The following EEPD1 variants were observed in gnomAD, a reference collection of about 807,000 sequenced individuals.
EEPD1 encodes the protein endonuclease/exonuclease/phosphatase family domain containing 1.
In EEPD1, 17 loss-of-function variants were observed where a neutral mutation model predicts 46.3. That is an observed-to-expected ratio of 0.37 (90% CI 0.25 to 0.55). The LOEUF is 0.55. EEPD1 is among the 20% of genes least tolerant of loss of function. EEPD1 has a pLI of 0.83. For missense variants in EEPD1, 673 were observed against 745.6 expected, an observed-to-expected ratio of 0.90 and a Z score of 1.13; for synonymous variants, 313 against 315.6, an observed-to-expected ratio of 0.99 and a Z score of 0.09.
At chr7:36,247,139 A>G (rs1007882890) in intron 3 of EEPD1, among the ~76,000 whole-genome samples, 3 of 144,130 alleles carry the variant, frequency 2.1e-5, no homozygotes, top group African/African-American at 7.7e-5. Flanking sequence ...AAAAAAAAAA[A>G]GAAAAGAAAA....
chr7:36,256,537 A>G (rs1404750928), intron 3 of EEPD1, among the ~76,000 whole-genome samples: 1 of 152,200 alleles, frequency 6.6e-6, no homozygotes, highest in Non-Finnish European at 1.5e-5. Flanking sequence ...TAGGATAGTT[A>G]GCTCTTCTTG....
At chr7:36,171,727 G>A (rs530033579) in intron 2 of EEPD1, among the ~76,000 whole-genome samples, 3 of 152,336 alleles carry the variant, frequency 2.0e-5, no homozygotes, top group East Asian at 1.9e-4. Context: ...TAGTTGGGAA[G>A]TGTACCTATA....
At chr7:36,168,771 G>A (rs1452224714) in intron 2 of EEPD1, among the ~76,000 whole-genome samples, 2 of 116,830 alleles carry the variant, frequency 1.7e-5, no homozygotes, top group Non-Finnish European at 3.8e-5. Context: ...AAAAAAAAAA[G>A]GTTGGGGGAG....
chr7:36,197,010 G>A (rs1462872268), intron 2 of EEPD1, among the ~76,000 whole-genome samples: 3 of 150,036 alleles, frequency 2.0e-5, no homozygotes, highest in African/African-American at 4.9e-5. Context: ...TGTGGGGAGC[G>A]CCTCTGCCCC....
At chr7:36,289,977 C>T (rs1249260710) in intron 6 of EEPD1, among the ~76,000 whole-genome samples, 5 of 152,186 alleles carry the variant, frequency 3.3e-5, no homozygotes, top group African/African-American at 1.2e-4. Context: ...CATGCCGTGA[C>T]CAACGTTCTA....
At chr7:36,159,673 G>A (rs972134995) in intron 2 of EEPD1, among the ~76,000 whole-genome samples, 5 of 152,240 alleles carry the variant, frequency 3.3e-5, no homozygotes, top group Admixed American at 6.5e-5. Flanking sequence ...CCAGGTATCA[G>A]GGTCTTGGGG....
At chr7:36,260,709 G>C (rs1786907643) in intron 3 of EEPD1, among the ~76,000 whole-genome samples, 1 of 152,208 alleles carries the variant, frequency 6.6e-6, no homozygotes, top group South Asian at 2.1e-4. Context: ...TAGTGAGAAA[G>C]ACCTGAGTTT....
At chr7:36,286,765 A>G (rs1461181008) in intron 5 of EEPD1, among the ~76,000 whole-genome samples, 1 of 152,144 alleles carries the variant, frequency 6.6e-6, no homozygotes, top group East Asian at 1.9e-4. Flanking sequence ...GGGTCCTGGC[A>G]GGAGACCTCA....
intron 2 of EEPD1, among the ~76,000 whole-genome samples, chr7:36,214,860 C>A (rs1353578352): frequency 6.6e-6 from 1 of 152,122 alleles, no homozygotes; most frequent in Non-Finnish European, 1.5e-5. Flanking sequence ...TTTGGAATTC[C>A]CTGAGCGGAG....
chr7:36,190,712 A>G (rs1785447046), intron 2 of EEPD1, among the ~76,000 whole-genome samples: 1 of 152,206 alleles, frequency 6.6e-6, no homozygotes, highest in Admixed American at 6.5e-5. Context: ...GAAGCCTGGC[A>G]CACAAAAATA....
At chr7:36,295,191 A>G (rs11768261) in intron 6 of EEPD1, among the ~76,000 whole-genome samples, 1 of 149,956 alleles carries the variant, frequency 6.7e-6, no homozygotes, top group Non-Finnish European at 1.5e-5. Flanking sequence ...AGAAAAAAAG[A>G]AAAAATATGT....
chr7:36,273,171 G>A (rs964366910), intron 3 of EEPD1, among the ~76,000 whole-genome samples: 2 of 142,130 alleles, frequency 1.4e-5, no homozygotes, highest in Non-Finnish European at 3.1e-5. Flanking sequence ...CTCACGGGTC[G>A]ATTGGTTTCT....
At position 36,299,097 on chromosome 7, in the gene EEPD1, T is replaced by C; in HGVS notation, c.1601T>C (p.Val534Ala). 6.4e-7 allele frequency: 1 copy of C among 1,555,694 alleles called. No individual in the cohort carries two copies. The highest frequency in any genetic ancestry group is 1.1e-5 in the South Asian group (1 of 89,054). ...GGGGTGGCTTCTGAACACTGCCCAGTGCTAGCCGAGTTCTACACTGAAAAG... is the reference window on the plus strand; with the variant it reads ...GGGGTGGCTTCTGAACACTGCCCAGCGCTAGCCGAGTTCTACACTGAAAAG... ...WGGVASEHCPVLAEFYTEKDW... is the reference protein window; with the variant it reads ...WGGVASEHCPALAEFYTEKDW... Residue 534 changes from valine to alanine, a missense_variant, in exon 8 of 8, where the codon GTG becomes GCG. Physicochemically the swap from Val to Ala is moderately conservative, Grantham distance 64. Transcript: ENST00000242108.
chr7:36,251,498 C>T (rs771560649), intron 3 of EEPD1, among the ~76,000 whole-genome samples: 7 of 152,188 alleles, frequency 4.6e-5, no homozygotes, highest in Non-Finnish European at 8.8e-5. Context: ...TTAGTAGAGA[C>T]GGAGTTTCTC....
chr7:36,203,332 G>C (rs1280813227), intron 2 of EEPD1, among the ~76,000 whole-genome samples: 1 of 152,106 alleles, frequency 6.6e-6, no homozygotes, highest in Non-Finnish European at 1.5e-5. Flanking sequence ...ACACCATGCA[G>C]TCGCCATTCC....
At chr7:36,292,467 TTCTC>T (rs901816376) in intron 6 of EEPD1, among the ~76,000 whole-genome samples, 11 of 150,298 alleles carry the variant, frequency 7.3e-5, no homozygotes, top group Non-Finnish European at 1.0e-4. Context: ...CTCCTTGTCT[TTCTC>T]TCTCTCTCTC....
At chr7:36,241,821 T>C (rs1385073707) in intron 3 of EEPD1, among the ~76,000 whole-genome samples, 1 of 152,198 alleles carries the variant, frequency 6.6e-6, no homozygotes, top group Non-Finnish European at 1.5e-5. Context: ...TGAGCCGAGA[T>C]TGCGCCATTG....
chr7:36,194,834 T>A (rs183109516), intron 2 of EEPD1, among the ~76,000 whole-genome samples: 4 of 152,354 alleles, frequency 2.6e-5, no homozygotes, highest in Admixed American at 2.0e-4. Flanking sequence ...GAAATCCATA[T>A]GTCCCTGAGT....
At chr7:36,194,720 C>T (rs1374087557) in intron 2 of EEPD1, among the ~76,000 whole-genome samples, 2 of 152,134 alleles carry the variant, frequency 1.3e-5, no homozygotes, top group African/African-American at 4.8e-5. Context: ...GATCATGGAG[C>T]TCTGCCATGG....
Sources: allele counts gnomAD v4.1 joint callset (sites outside exome capture counted in the v4.1 genomes callset), GRCh38; gene constraint gnomAD v4.1.1; transcripts MANE v1.5; gene names NCBI Gene and HGNC (gene_info 2026-07-23, HGNC 2026-07-21).